Variants in GINS2 observed in about 807,000 individuals in gnomAD.
The protein encoded by GINS2 is DNA replication complex GINS protein PSF2.
A neutral mutation model predicts 21.2 loss-of-function variants in GINS2; 23 were observed. The observed-to-expected ratio is 1.08, with a 90% CI of 0.78 to 1.53. The LOEUF (loss-of-function observed/expected upper bound fraction) is 1.53, where lower values mean the gene tolerates loss of function less well. Ranked by LOEUF, GINS2 falls within the 40% of genes most tolerant of loss-of-function variation. The probability of loss-of-function intolerance (pLI) is 0.00; values close to 1 mark genes in which losing one functional copy is unlikely to be tolerated. For missense variants in GINS2, 323 were observed against 233.9 expected (o/e 1.38, Z -2.49); for synonymous variants, 118 against 85.6 (o/e 1.38, Z -2.09).
chr16:85,686,780 C>G (rs1345667009), intron 2 of GINS2, among the ~76,000 whole-genome samples: 2 of 152,172 alleles, frequency 1.3e-5, no homozygotes, highest in African/African-American at 4.8e-5. Flanking sequence ...CTTTTTATAG[C>G]TGAATAATAT....
At chr16:85,688,765 C>T (rs1398175096) in intron 1 of GINS2, 44 bp downstream of exon 1, 38 of 1,274,454 alleles carry the variant, frequency 3.0e-5, no homozygotes, top group Non-Finnish European at 4.0e-5. Flanking sequence ...GCCCCGGACG[C>T]GCCCAGCCCG....
At chr16:85,688,141 G>C (rs547199853) in intron 1 of GINS2, 6 of 152,030 alleles carry the variant, frequency 3.9e-5, no homozygotes, top group African/African-American at 1.5e-4. Flanking sequence ...CAAAGATAAA[G>C]ACAAAAACAA....
chr16:85,683,935 A>G (rs2053754413), intron 2 of GINS2, among the ~76,000 whole-genome samples: 3 of 152,378 alleles, frequency 2.0e-5, no homozygotes, highest in Middle Eastern at 6.8e-3. Context: ...CGTTTCTTAC[A>G]AAGTTAAGCA....
chr16:85,684,154 G>A (rs1424679581), intron 2 of GINS2, among the ~76,000 whole-genome samples: 4 of 152,190 alleles, frequency 2.6e-5, no homozygotes, highest in Non-Finnish European at 4.4e-5. Context: ...ACCAGTCTGA[G>A]CAACAAAGTG....
intron 3 of GINS2, among the ~76,000 whole-genome samples, chr16:85,680,571 C>A (rs191255850): frequency 6.6e-6 from 1 of 152,006 alleles, no homozygotes; most frequent in African/African-American, 2.4e-5. Context: ...CATATGCATA[C>A]GAGACCCAGC....
In GINS2 at chr16:85,688,948, G is replaced by C; in HGVS notation, c.-50C>G. ...CCTCACGGTCTCCTCGGGCCCCTCA[G>C]CGTCCCGGAGGAGACGCCGCGGCCG... is the stretch of plus-strand genomic sequence containing the variant. On this transcript the variant is annotated 5_prime_UTR_variant, in exon 1 of 5. Transcript: ENST00000253462. 7.4e-7 allele frequency: 1 copy of C among 1,342,796 alleles called. No individual in the cohort carries two copies. Among genetic ancestry groups the C allele is most frequent in the Non-Finnish European group, 1.0e-6 (1 of 983,882 alleles). The allele number at this position is 1,342,796 out of a possible 1,614,324, so 83.2% of individuals were successfully genotyped here.
At chr16:85,681,270 G>A (rs2053729832) in intron 3 of GINS2, among the ~76,000 whole-genome samples, 1 of 152,232 alleles carries the variant, frequency 6.6e-6, no homozygotes, top group Admixed American at 6.5e-5. Context: ...GGCTCACACT[G>A]GGGTCCAATG....
rs764393696 is a variant in GINS2, at chr16:85,687,538, C to A, written c.127G>T (p.Glu43Ter). The part of the protein sequence containing the change: ...LGPFNPGLPV[E>*]VPLWLAINLK... ...TTAATCGCCAGCCACAGGGGCACTT[C>A]CACGGGTAAACCAGGGTTAAAAGGC... The change falls in exon 2 of 5, where the codon GAA becomes TAA. Residue 43 changes from glutamate to a stop codon, truncating the protein, a stop_gained. Coordinates refer to ENST00000253462, the MANE Select transcript of GINS2 (RefSeq NM_016095.3). LOFTEE classifies it high-confidence loss of function. The A allele has an allele frequency of 6.9e-6, 11 of 1,595,708 alleles. No homozygotes were observed. The highest frequency in any genetic ancestry group is 9.4e-6 in the Non-Finnish European group (11 of 1,173,228).
chr16:85,682,827 G>A (rs962411913), intron 2 of GINS2, among the ~76,000 whole-genome samples: 6 of 152,162 alleles, frequency 3.9e-5, no homozygotes, highest in African/African-American at 1.4e-4. Context: ...GCACAGCTAC[G>A]CTGCAGGGTC....
At chr16:85,682,614 A>G (rs981972657) in intron 2 of GINS2, among the ~76,000 whole-genome samples, 2 of 151,474 alleles carry the variant, frequency 1.3e-5, no homozygotes, top group Non-Finnish European at 2.9e-5. Context: ...ACAATATCCT[A>G]GAGGGCTAAG....
At chr16:85,681,781 T>G (rs910007738) in intron 2 of GINS2, 100 bp from the exon 3 acceptor site, 1 of 687,794 alleles carries the variant, frequency 1.5e-6, no homozygotes, top group Non-Finnish European at 2.5e-6. Context: ...GCAAATACAT[T>G]ATCAACTAGC....
chr16:85,686,331 T>C lies in GINS2; in HGVS notation c.205+1129A>G, dbSNP rs139047231. Among the ~76,000 whole-genome samples the C allele has an allele frequency of 2.6e-3, 389 of 151,024 alleles. 1 individual carries two copies. Among genetic ancestry groups the C allele is most frequent in the African/African-American group, 9.1e-3 (374 of 41,040 alleles). On this transcript the variant is annotated intron_variant, in intron 2 of 4. Transcript: ENST00000253462. The stretch of plus-strand genomic sequence containing the variant: ...TACTTGGGAGGCTGACGCGGGAGAA[T>C]GGTGTGAACCCAGGAGGTGGAGCTT...
intron 1 of GINS2, among the ~76,000 whole-genome samples, chr16:85,688,505 C>T (rs962209861): frequency 6.6e-6 from 1 of 152,208 alleles, no homozygotes; most frequent in African/African-American, 2.4e-5. Context: ...GAGACGGCAC[C>T]ACTGCACTCC....
intron 2 of GINS2, among the ~76,000 whole-genome samples, chr16:85,681,963 T>G (rs1443456328): frequency 5.9e-5 from 9 of 152,034 alleles, no homozygotes; most frequent in Admixed American, 5.9e-4. Context: ...GTTTGTTGTG[T>G]TTTGCTTTTG....
At chr16:85,686,848 C>T (rs2053781559) in intron 2 of GINS2, among the ~76,000 whole-genome samples, 1 of 152,182 alleles carries the variant, frequency 6.6e-6, no homozygotes, top group Admixed American at 6.5e-5. Context: ...TCTCAACATG[C>T]TAATCTATAC....
intron 1 of GINS2, among the ~76,000 whole-genome samples, chr16:85,688,453 G>A (rs2053798837): frequency 6.6e-6 from 1 of 152,176 alleles, no homozygotes; most frequent in Non-Finnish European, 1.5e-5. Context: ...GGCTGAGGCA[G>A]GAGAATCGCT....
At chr16:85,685,745 G>A (rs1000880126) in intron 2 of GINS2, among the ~76,000 whole-genome samples, 3 of 147,594 alleles carry the variant, frequency 2.0e-5, no homozygotes, top group Admixed American at 6.9e-5. Context: ...GACTACCTGA[G>A]TCACTTGCCA....
intron 2 of GINS2, among the ~76,000 whole-genome samples, chr16:85,686,065 A>C (rs1457317362): frequency 6.6e-6 from 1 of 152,206 alleles, no homozygotes. Context: ...AAAAGATTTC[A>C]AAGGCTCAGA....
chr16:85,686,852 T>C (rs1034310962), intron 2 of GINS2, among the ~76,000 whole-genome samples: 3 of 152,250 alleles, frequency 2.0e-5, no homozygotes, highest in Non-Finnish European at 4.4e-5. Flanking sequence ...AACATGCTAA[T>C]CTATACTTAT....
Sources: gnomAD v4.1 joint callset for allele counts (sites outside exome capture counted in the v4.1 genomes callset) on GRCh38, gnomAD v4.1.1 for gene constraint, MANE v1.5 for transcripts, NCBI Gene and HGNC (gene_info 2026-07-23, HGNC 2026-07-21) for gene names.